MAML2: variants seen among roughly 807,000 people sequenced by gnomAD.
MAML2 encodes mastermind-like protein 2.
Under a neutral mutation model 96.1 loss-of-function variants are expected in MAML2, and 22 were observed. The observed-to-expected ratio is 0.23, with a 90% CI of 0.16 to 0.33. The LOEUF is 0.33. Among genes scored for constraint, MAML2 ranks in the 10% least tolerant of loss-of-function variants. The pLI is 1.00. For missense variants in MAML2, 1,367 were observed against 1,392.4 expected (o/e 0.98, Z 0.29); for synonymous variants, 561 against 521.3 (o/e 1.08, Z -1.04).
Position 96,259,252 on chromosome 11 carries a change from T to C in MAML2, c.513+82131A>G, listed in dbSNP as rs183353321. Among the ~76,000 whole-genome samples the C allele has an allele frequency of 3.0e-4, 46 of 152,290 alleles. 1 individual carries two copies. In the East Asian group the frequency reaches 8.9e-3, roughly 29 times the overall value. On this transcript the variant is annotated intron_variant, in intron 1 of 4. Transcript: ENST00000524717. ...ACTCAGTCCTATTCTTTCCAGATGT[T>C]TTTTTTCTTTTTCTTCTTCTGAAAA...
intron 2 of MAML2, among the ~76,000 whole-genome samples, chr11:96,031,894 G>A (rs1305499742): frequency 6.6e-6 from 1 of 152,156 alleles, no homozygotes; most frequent in Non-Finnish European, 1.5e-5. Context: ...GCTGAGGCAG[G>A]AGAATGGCGT....
intron 2 of MAML2, among the ~76,000 whole-genome samples, chr11:96,070,090 G>C (rs1302522947): frequency 6.6e-6 from 1 of 151,706 alleles, no homozygotes; most frequent in Non-Finnish European, 1.5e-5. Flanking sequence ...AGGAGATCGA[G>C]ACCATCCTGG....
At chr11:96,117,320 G>A (rs1422522795) in intron 1 of MAML2, among the ~76,000 whole-genome samples, 3 of 149,870 alleles carry the variant, frequency 2.0e-5, no homozygotes, top group Non-Finnish European at 4.4e-5. Context: ...TTTTGAGACA[G>A]GGTCTCGCTC....
intron 2 of MAML2, among the ~76,000 whole-genome samples, chr11:96,007,168 A>AT (rs1565187908): frequency 7.4e-6 from 1 of 134,388 alleles, no homozygotes; most frequent in African/African-American, 3.7e-5. Context: ...ATGTCCAGTT[A>AT]ATTTTTTTTT....
rs35604635 is a variant in MAML2, at chr11:96,252,425, CTTTTTTTTT to C, written c.513+88949_513+88957del. The stretch of plus-strand genomic sequence containing the variant: ...TCTCAGCGCTTTACCTTGACTAACT[CTTTTTTTTT>C]TTTTTTTTTTGACCTGGAGTCTCGC... On this transcript the variant is annotated intron_variant, in intron 1 of 4. Coordinates refer to ENST00000524717, the MANE Select transcript of MAML2 (RefSeq NM_032427.4). 4.9e-5 allele frequency among the ~76,000 whole-genome samples: 6 copies of C among 122,584 alleles called. No homozygotes were observed. The East Asian group carries it at 9.7e-4, about 20-fold the overall frequency. The allele number at this position is 122,584 out of a possible 152,430, so 80.4% of individuals were successfully genotyped here.
chr11:96,213,235 T>A (rs1861997565), intron 1 of MAML2, among the ~76,000 whole-genome samples: 1 of 152,146 alleles, frequency 6.6e-6, no homozygotes, highest in Admixed American at 6.5e-5. Context: ...TCAAAGTACT[T>A]CAGCATTCTT....
chr11:96,328,560 G>A (rs563368230), intron 1 of MAML2, among the ~76,000 whole-genome samples: 3 of 152,170 alleles, frequency 2.0e-5, no homozygotes, highest in South Asian at 2.1e-4. Context: ...CCCCAAGATC[G>A]TACGAGTCAT....
chr11:96,034,228 G>A (rs759420534), intron 2 of MAML2, among the ~76,000 whole-genome samples: 40 of 152,236 alleles, frequency 2.6e-4, no homozygotes, highest in East Asian at 5.8e-4. Context: ...AGGGGAATGC[G>A]TCTCATAAAG....
At chr11:96,062,941 C>T (rs949275102) in intron 2 of MAML2, among the ~76,000 whole-genome samples, 1 of 152,098 alleles carries the variant, frequency 6.6e-6, no homozygotes, top group Non-Finnish European at 1.5e-5. Context: ...ATGTTGCCAA[C>T]CCCCCAACCT....
At chr11:96,191,464 C>CA (rs1160000482) in intron 1 of MAML2, among the ~76,000 whole-genome samples, 1 of 121,264 alleles carries the variant, frequency 8.2e-6, no homozygotes, top group Non-Finnish European at 1.7e-5. Context: ...GAATCCGTCT[C>CA]AAAAAAATAA....
chr11:96,230,707 A>G (rs111980014), intron 1 of MAML2, among the ~76,000 whole-genome samples: 179 of 152,348 alleles, frequency 1.2e-3, no homozygotes, highest in Non-Finnish European at 1.8e-3. Context: ...TAGAGTCCCA[A>G]CGTTCTCTGA....
chr11:96,285,421 A>G lies in MAML2; in HGVS notation c.513+55962T>C, dbSNP rs539975426. ...ATTCAGGATATAGGTGCAGGCAAAGATTTCATAGGAAAACACCGGAAGCAA... is the reference window on the plus strand; with the variant it reads ...ATTCAGGATATAGGTGCAGGCAAAGGTTTCATAGGAAAACACCGGAAGCAA... On this transcript the variant is annotated intron_variant, in intron 1 of 4. Coordinates refer to ENST00000524717, the MANE Select transcript of MAML2 (RefSeq NM_032427.4). Among the ~76,000 whole-genome samples, 227 of 152,314 alleles carry G rather than the reference A, an allele frequency of 1.5e-3. 2 individuals carry two copies. Among genetic ancestry groups the G allele is most frequent in the African/African-American group, 5.3e-3 (222 of 41,562 alleles).
chr11:95,981,571 C>G (rs561004856), intron 4 of MAML2, among the ~76,000 whole-genome samples: 5 of 152,272 alleles, frequency 3.3e-5, no homozygotes, highest in African/African-American at 1.2e-4. Flanking sequence ...GCCAAATGAA[C>G]ACAGTAGCTT....
At chr11:96,116,242 C>T (rs1860238489) in intron 1 of MAML2, among the ~76,000 whole-genome samples, 2 of 152,176 alleles carry the variant, frequency 1.3e-5, no homozygotes, top group South Asian at 2.1e-4. Context: ...CCTCATCAGA[C>T]TCTAACTGTA....
chr11:96,225,427 A>G (rs998093201), intron 1 of MAML2, among the ~76,000 whole-genome samples: 2 of 152,200 alleles, frequency 1.3e-5, no homozygotes, highest in Non-Finnish European at 2.9e-5. Flanking sequence ...CTGCTACCTC[A>G]GGAGAGACCT....
intron 1 of MAML2, among the ~76,000 whole-genome samples, chr11:96,234,681 A>G (rs1263048626): frequency 6.6e-6 from 1 of 152,192 alleles, no homozygotes; most frequent in Admixed American, 6.5e-5. Context: ...ATATGCATGC[A>G]CATACTTGCA....
intron 2 of MAML2, among the ~76,000 whole-genome samples, chr11:96,005,130 G>A (rs1229681979): frequency 6.6e-6 from 1 of 152,330 alleles, no homozygotes; most frequent in East Asian, 1.9e-4. Flanking sequence ...CTCCGTAACA[G>A]TGAGAAATAC....
rs775514618 is a variant in MAML2, at chr11:95,979,921, G to C, written c.2498C>G (p.Ala833Gly). The C allele has an allele frequency of 6.2e-7, 1 of 1,613,840 alleles. No homozygotes were observed. Among genetic ancestry groups the C allele is most frequent in the Admixed American group, 1.7e-5 (1 of 60,012 alleles). ...TISLNSNQAL[A>G]NPVSTHTILT... The stretch of plus-strand genomic sequence containing the variant: ...AATGGTGTGTGTTGAAACTGGGTTT[G>C]CCAAAGCCTGGTTAGAGTTTAAGCT... The change falls in exon 5 of 5, where the codon GCA becomes GGA. Residue 833 changes from alanine to glycine, a missense_variant. Ala to Gly is a moderately conservative substitution (Grantham distance 60). Transcript: ENST00000524717.
chr11:95,978,588 G>A lies in MAML2; in HGVS notation c.*360C>T. 1 of 260,792 alleles carries A rather than the reference G, an allele frequency of 3.8e-6. No individual in the cohort carries two copies. The highest frequency in any genetic ancestry group is 7.3e-6 in the Non-Finnish European group (1 of 137,046). 16.2% of individuals were successfully genotyped at this position (260,792 alleles called of 1,614,324 possible). A position where few individuals can be genotyped will look rare whatever the true frequency, so the allele number is the denominator to read the frequency against. ...GAACTAGTACCTCCTCATGACATGG[G>A]GTTTAAATAAACTACAAGTTCTATT... On this transcript the variant is annotated 3_prime_UTR_variant, in exon 5 of 5. Coordinates refer to ENST00000524717, the MANE Select transcript of MAML2 (RefSeq NM_032427.4).
Sources: gnomAD v4.1 joint callset for allele counts (sites outside exome capture counted in the v4.1 genomes callset) on GRCh38, gnomAD v4.1.1 for gene constraint, MANE v1.5 for transcripts, NCBI Gene and HGNC (gene_info 2026-07-23, HGNC 2026-07-21) for gene names.